GREB1: variants seen among roughly 807,000 people sequenced by gnomAD.
GREB1 encodes the protein protein GREB1.
Under a neutral mutation model 200.7 loss-of-function variants are expected in GREB1, and 106 were observed. The observed-to-expected ratio is 0.53, with a 90% CI of 0.45 to 0.62. The LOEUF (loss-of-function observed/expected upper bound fraction) is 0.62. Among genes scored for constraint, GREB1 ranks in the 20% least tolerant of loss-of-function variants. GREB1 has a pLI of 0.00. For missense variants in GREB1, 2,243 were observed against 2,556.8 expected, an observed-to-expected ratio of 0.88 and a Z score of 2.65; for synonymous variants, 1,132 against 1,092.4, an observed-to-expected ratio of 1.04 and a Z score of -0.72.
chr2:11,588,084 G>T, intron 9 of GREB1: 1 of 467,274 alleles, frequency 2.1e-6, no homozygotes, highest in Non-Finnish European at 2.8e-6. Context: ...AAATTGGCCG[G>T]GTGTGGTGGT....
intron 1 of GREB1, among the ~76,000 whole-genome samples, chr2:11,509,086 A>G (rs1421354219): frequency 1.3e-5 from 2 of 151,620 alleles, no homozygotes; most frequent in Non-Finnish European, 2.9e-5. Flanking sequence ...CGTGTTAGCC[A>G]GGATGGTCTC....
At position 11,556,618 on chromosome 2, in the gene GREB1, G is replaced by A. The variant is rs749724712; in HGVS notation, c.4G>A (p.Gly2Arg). The change falls in exon 2 of 33, where the codon GGA becomes AGA. Residue 2 changes from glycine to arginine, a missense_variant. Transcript: ENST00000381486. ...AGAAGACTCCATCCTCTTGAAGATGGGAAATTCTTACGCTGGACAGCTGAA... is the reference window on the plus strand; with the variant it reads ...AGAAGACTCCATCCTCTTGAAGATGAGAAATTCTTACGCTGGACAGCTGAA... M[G>R]NSYAGQLKTT... 1.2e-6 allele frequency: 2 copies of A among 1,608,300 alleles called. No homozygotes were observed. Among genetic ancestry groups the A allele is most frequent in the Non-Finnish European group, 1.7e-6 (2 of 1,177,108 alleles).
At position 11,627,607 on chromosome 2, in the gene GREB1, C is replaced by A. The variant is rs546580388; in HGVS notation, c.4449+503C>A. ...TATTGAGCACCTACTGCATGCCAGG[C>A]AATGTGCCTAGGCACTTTTTATATA... On this transcript the variant is annotated intron_variant, in intron 25 of 32. Transcript: ENST00000381486. Among the ~76,000 whole-genome samples, 214 of 152,358 alleles carry A rather than the reference C, an allele frequency of 1.4e-3. 1 individual carries two copies. The Middle Eastern group carries it at 0.02, about 15-fold the overall frequency.
chr2:11,626,894 T>C (rs1477197884), intron 24 of GREB1, 68 bp from the exon 25 acceptor site: 6 of 1,555,588 alleles, frequency 3.9e-6, no homozygotes, highest in Non-Finnish European at 4.4e-6. Flanking sequence ...TGGTTTCTGT[T>C]TGAGCAGGCA....
intron 30 of GREB1, 88 bp downstream of exon 30, chr2:11,635,493 G>T: frequency 6.8e-7 from 1 of 1,461,088 alleles, no homozygotes; most frequent in Non-Finnish European, 9.2e-7. Flanking sequence ...ATTGAGGGAG[G>T]CCATGTCTCT....
chr2:11,570,893 A>G (rs1427141600), intron 4 of GREB1, among the ~76,000 whole-genome samples: 1 of 152,112 alleles, frequency 6.6e-6, no homozygotes, highest in Non-Finnish European at 1.5e-5. Context: ...TGAGTGCTTC[A>G]TCTTCCGCGG....
chr2:11,624,681 C>T (rs1684292033), intron 23 of GREB1, among the ~76,000 whole-genome samples: 1 of 152,188 alleles, frequency 6.6e-6, no homozygotes, highest in African/African-American at 2.4e-5. Context: ...TTACAATTAC[C>T]TGCAGTATTT....
At chr2:11,517,676 G>A (rs994420144) in intron 1 of GREB1, among the ~76,000 whole-genome samples, 3 of 151,932 alleles carry the variant, frequency 2.0e-5, no homozygotes, top group Non-Finnish European at 4.4e-5. Flanking sequence ...TTTTGAGACA[G>A]AGTCTCGCTC....
chr2:11,615,506 A>G (rs1683327975), intron 20 of GREB1, among the ~76,000 whole-genome samples: 1 of 152,080 alleles, frequency 6.6e-6, no homozygotes, highest in African/African-American at 2.4e-5. Context: ...TTTTCTCCCC[A>G]TCTCTTTTGG....
chr2:11,487,718 A>G (rs1240790666), intron 1 of GREB1, among the ~76,000 whole-genome samples: 3 of 152,240 alleles, frequency 2.0e-5, no homozygotes, highest in East Asian at 3.8e-4. Context: ...GCAGTTGTCA[A>G]GATTTTGTCA....
At chr2:11,541,218 T>C (rs1427843818) in intron 1 of GREB1, among the ~76,000 whole-genome samples, 1 of 151,778 alleles carries the variant, frequency 6.6e-6, no homozygotes, top group Non-Finnish European at 1.5e-5. Context: ...GGGTATGTGG[T>C]GTGTTTTGGA....
At chr2:11,639,977 C>T (rs1052356345) in intron 32 of GREB1, among the ~76,000 whole-genome samples, 10 of 152,124 alleles carry the variant, frequency 6.6e-5, no homozygotes, top group East Asian at 1.9e-4. Context: ...TGTGAGCTAC[C>T]GGCTGGGGCT....
rs1444389529 is a variant in GREB1 at position 11,556,712 on chromosome 2, C to T, written c.98C>T (p.Pro33Leu). 1.2e-6 allele frequency: 2 copies of T among 1,614,084 alleles called. No homozygotes were observed. Among genetic ancestry groups the T allele is most frequent in the Admixed American group, 3.3e-5 (2 of 60,022 alleles). ...EASLRSNNLVPRPIFSQLYLE... is the reference protein window; with the variant it reads ...EASLRSNNLVLRPIFSQLYLE... ...TCCCTGCGGTCCAACAACCTGGTGC[C>T]CAGGCCCATCTTTTCCCAGCTGTAC... The change falls in exon 2 of 33, where the codon CCC becomes CTC. Residue 33 changes from proline to leucine, a missense_variant. Pro to Leu is a moderately conservative substitution (Grantham distance 98). Coordinates refer to ENST00000381486, the MANE Select transcript of GREB1 (RefSeq NM_014668.4).
intron 18 of GREB1, among the ~76,000 whole-genome samples, 171 bp downstream of exon 18, chr2:11,611,198 C>A (rs1354727220): frequency 1.3e-5 from 2 of 152,132 alleles, no homozygotes; most frequent in African/African-American, 4.8e-5. Context: ...GCCCTCCGCC[C>A]CAGCAGCACC....
intron 24 of GREB1, 55 bp from the exon 25 acceptor site, chr2:11,626,907 G>A: frequency 6.3e-7 from 1 of 1,589,460 alleles, no homozygotes; most frequent in Non-Finnish European, 8.6e-7. Context: ...AGCAGGCAGG[G>A]GATAATGTTT....
chr2:11,590,978 C>A (rs995141895), intron 10 of GREB1, among the ~76,000 whole-genome samples: 41 of 152,068 alleles, frequency 2.7e-4, no homozygotes, highest in Middle Eastern at 6.8e-3. Flanking sequence ...CGGCTGGCAA[C>A]CTTGATGATG....
Position 11,642,765 on chromosome 2 carries a change from T to C in GREB1, c.*2311T>C, listed in dbSNP as rs946014647. On this transcript the variant is annotated 3_prime_UTR_variant, in exon 33 of 33. Transcript: ENST00000381486. Reference sequence around the variant, plus strand: ...AATATTCTTGTCTGTTCCAGTCTTATAAATAAAACTTATAATGCATGTATT... The same window carrying C: ...AATATTCTTGTCTGTTCCAGTCTTACAAATAAAACTTATAATGCATGTATT... The C allele has an allele frequency of 6.6e-6, 1 of 152,206 alleles. No individual in the cohort carries two copies. Among genetic ancestry groups the C allele is most frequent in the African/African-American group, 2.4e-5 (1 of 41,458 alleles). The allele number at this position is 152,206 out of a possible 1,614,324, so 9.4% of individuals were successfully genotyped here.
In GREB1 at chr2:11,618,553, G is replaced by A. The variant is rs201477568; in HGVS notation, c.3678G>A (p.Ser1226=). 277 of 1,612,570 alleles carry A rather than the reference G, an allele frequency of 1.7e-4. No homozygotes were observed. Among genetic ancestry groups the A allele is most frequent in the Middle Eastern group, 1.6e-4 (1 of 6,080 alleles). ...TSSCSQLSSS[S]GSSSSSVAPA... ...CGTGCTCCCAGCTGTCCTCCTCCTC[G>A]GGCTCATCCTCCTCATCCGTGGCGC... is the stretch of plus-strand genomic sequence containing the variant. The change falls in exon 22 of 33, where the codon TCG becomes TCA. Residue 1226 remains serine (S), a synonymous_variant. Coordinates refer to ENST00000381486, the MANE Select transcript of GREB1 (RefSeq NM_014668.4).
chr2:11,522,723 TG>T (rs1673743320), intron 1 of GREB1, among the ~76,000 whole-genome samples: 1 of 152,138 alleles, frequency 6.6e-6, no homozygotes, highest in South Asian at 2.1e-4. Flanking sequence ...CAGAGGGACC[TG>T]GGGAGGCTTC....
Sources: allele counts gnomAD v4.1 joint callset (sites outside exome capture counted in the v4.1 genomes callset), GRCh38; gene constraint gnomAD v4.1.1; transcripts MANE v1.5; gene names NCBI Gene and HGNC (gene_info 2026-07-23, HGNC 2026-07-21).